Variants in NAALADL2 observed in about 807,000 individuals in gnomAD.
NAALADL2 encodes the protein inactive N-acetylated-alpha-linked acidic dipeptidase-like protein 2.
In NAALADL2, 76 loss-of-function variants were observed where a neutral mutation model predicts 87.2. The observed-to-expected ratio is 0.87, with a 90% CI of 0.72 to 1.05. The LOEUF (loss-of-function observed/expected upper bound fraction) is 1.05. NAALADL2 is among the 50% of genes least tolerant of loss of function. The pLI is 0.00. For synonymous variants in NAALADL2, 354 were observed against 331.0 expected (o/e 1.07, Z -0.75); for missense variants, 1,089 against 945.8 (o/e 1.15, Z -1.99).
intron 11 of NAALADL2, among the ~76,000 whole-genome samples, chr3:175,663,465 A>G (rs1732550865): frequency 6.6e-6 from 1 of 151,716 alleles, no homozygotes; most frequent in African/African-American, 2.4e-5. Context: ...CCTTGCTAAG[A>G]ATTTGTTGAT....
intron 13 of NAALADL2, among the ~76,000 whole-genome samples, chr3:175,768,544 A>G (rs1749051965): frequency 6.6e-6 from 1 of 151,688 alleles, no homozygotes; most frequent in South Asian, 2.1e-4. Context: ...TTAAAAAACA[A>G]ATTCGGCCAG....
At chr3:175,652,528 G>A (rs1730906950) in intron 11 of NAALADL2, among the ~76,000 whole-genome samples, 1 of 148,288 alleles carries the variant, frequency 6.7e-6, no homozygotes, top group South Asian at 2.1e-4. Context: ...GCCCAGGCTG[G>A]AGTGCAGTGG....
At chr3:174,963,889 C>T (rs1388650514) in intron 1 of NAALADL2, among the ~76,000 whole-genome samples, 8 of 151,908 alleles carry the variant, frequency 5.3e-5, no homozygotes, top group Non-Finnish European at 1.2e-4. Flanking sequence ...CAATTATTTA[C>T]ATGAAGAAAG....
At chr3:175,133,263 T>A (rs1458406938) in intron 2 of NAALADL2, among the ~76,000 whole-genome samples, 2 of 137,378 alleles carry the variant, frequency 1.5e-5, no homozygotes, top group Non-Finnish European at 3.1e-5. Context: ...GAGGGGCTCC[T>A]CACATCCCAG....
At chr3:174,772,328 C>A (rs1714671934) in intron 3 of NAALADL2, among the ~76,000 whole-genome samples, 1 of 152,040 alleles carries the variant, frequency 6.6e-6, no homozygotes, top group Non-Finnish European at 1.5e-5. Context: ...TATTACCTCC[C>A]AGATTTTCAC....
chr3:175,189,054 C>T (rs1005656300), intron 2 of NAALADL2, among the ~76,000 whole-genome samples: 1 of 152,106 alleles, frequency 6.6e-6, no homozygotes, highest in Non-Finnish European at 1.5e-5. Flanking sequence ...TCCACCCATG[C>T]CTTGGAGAGT....
intron 2 of NAALADL2, among the ~76,000 whole-genome samples, chr3:174,723,147 T>TG (rs1731860670): frequency 6.6e-6 from 1 of 152,144 alleles, no homozygotes; most frequent in Non-Finnish European, 1.5e-5. Context: ...CTGAGGGAAA[T>TG]TGAATGGACA....
chr3:175,161,084 CA>C (rs1437725777), intron 2 of NAALADL2, among the ~76,000 whole-genome samples: 2 of 151,862 alleles, frequency 1.3e-5, no homozygotes, highest in Non-Finnish European at 2.9e-5. Context: ...ACACCGCAAC[CA>C]CCAAAAGATA....
At chr3:174,855,181 T>C (rs1468789662), upstream of NAALADL2, among the ~76,000 whole-genome samples, 1 of 152,168 alleles carries the variant, frequency 6.6e-6, no homozygotes, top group African/African-American at 2.4e-5. Context: ...TAGCTATTTT[T>C]ATATCAGCAT....
chr3:175,268,972 T>A (rs1752391078), intron 4 of NAALADL2, among the ~76,000 whole-genome samples: 1 of 150,780 alleles, frequency 6.6e-6, no homozygotes, highest in African/African-American at 2.4e-5. Context: ...ACGGTCTCCC[T>A]CTGTCACCCA....
chr3:175,438,528 C>T (rs1233043721), intron 5 of NAALADL2, among the ~76,000 whole-genome samples: 1 of 152,000 alleles, frequency 6.6e-6, no homozygotes, highest in Non-Finnish European at 1.5e-5. Flanking sequence ...ATGTTTGGGT[C>T]ATTTTCATAA....
intron 2 of NAALADL2, among the ~76,000 whole-genome samples, chr3:175,105,145 C>T (rs1722876718): frequency 6.6e-6 from 1 of 152,166 alleles, no homozygotes; most frequent in Non-Finnish European, 1.5e-5. Context: ...CCCACTCCTT[C>T]ATGGAAATCT....
At chr3:175,240,092 T>C (rs1026067735) in intron 3 of NAALADL2, among the ~76,000 whole-genome samples, 1 of 152,124 alleles carries the variant, frequency 6.6e-6, no homozygotes, top group Admixed American at 6.5e-5. Context: ...TACGAATCAT[T>C]AGGGAAGAAA....
rs564925136 is a variant in NAALADL2 at position 175,490,789 on chromosome 3, C to T, written c.1653+19031C>T. On this transcript the variant is annotated intron_variant, in intron 9 of 13. Transcript: ENST00000454872. ...GAGTGGATGAATTGGAAAGTTACAA[C>T]GAAAGAAAATGGAGATCCCCTCTTC... 1.6e-4 allele frequency among the ~76,000 whole-genome samples: 25 copies of T among 151,988 alleles called. No homozygotes were observed. In the South Asian group the frequency reaches 3.5e-3, roughly 21 times the overall value.
At chr3:174,858,969 A>G (rs530107298), upstream of NAALADL2, among the ~76,000 whole-genome samples, 134 of 152,222 alleles carry the variant, frequency 8.8e-4, no homozygotes, top group African/African-American at 3.2e-3. Context: ...TGGTTTAAAA[A>G]ATAAATGTCG....
intron 1 of NAALADL2, among the ~76,000 whole-genome samples, chr3:174,952,122 A>G (rs1232019720): frequency 2.0e-5 from 3 of 152,068 alleles, no homozygotes; most frequent in African/African-American, 2.4e-5. Flanking sequence ...GTACAACTAA[A>G]TCTCCAGACC....
intron 1 of NAALADL2, among the ~76,000 whole-genome samples, chr3:175,012,978 T>C (rs867250911): frequency 2.2e-5 from 3 of 137,078 alleles, no homozygotes; most frequent in South Asian, 4.3e-4. Context: ...TATATATATA[T>C]ACACAAAAAT....
At chr3:174,972,987 ACT>A (rs1194427192) in intron 1 of NAALADL2, among the ~76,000 whole-genome samples, 4 of 128,088 alleles carry the variant, frequency 3.1e-5, no homozygotes, top group African/African-American at 6.5e-5. Flanking sequence ...CAAGAGTGAA[ACT>A]CTGTCTCAAA....
chr3:174,500,103 C>T (rs919071570), intron 1 of NAALADL2, among the ~76,000 whole-genome samples: 2 of 151,352 alleles, frequency 1.3e-5, no homozygotes, highest in Non-Finnish European at 2.9e-5. Flanking sequence ...TTTCTCTTGG[C>T]AATGTTTTAT....
Sources: gnomAD v4.1 joint callset for allele counts (sites outside exome capture counted in the v4.1 genomes callset) on GRCh38, gnomAD v4.1.1 for gene constraint, MANE v1.5 for transcripts, NCBI Gene and HGNC (gene_info 2026-07-23, HGNC 2026-07-21) for gene names.